Variants in CA12 observed in about 807,000 individuals in gnomAD.
The protein encoded by CA12 is carbonic anhydrase 12.
In CA12, 36 loss-of-function variants were observed where a neutral mutation model predicts 46.8. The ratio of observed to expected loss-of-function variants is 0.77; its 90% CI spans 0.59 to 1.02. The LOEUF (loss-of-function observed/expected upper bound fraction) is 1.02, where lower values mean the gene tolerates loss of function less well. Among genes scored for constraint, CA12 ranks in the 50% least tolerant of loss-of-function variants. The probability of loss-of-function intolerance (pLI) is 0.00; values close to 1 mark genes in which losing one functional copy is unlikely to be tolerated. For missense variants in CA12, 436 were observed against 451.4 expected, an observed-to-expected ratio of 0.97 and a Z score of 0.31; for synonymous variants, 202 against 187.0, an observed-to-expected ratio of 1.08 and a Z score of -0.65.
In CA12 at chr15:63,327,673, C is replaced by T. The variant is rs980487043; in HGVS notation, c.907+425G>A. Among the ~76,000 whole-genome samples the T allele has an allele frequency of 2.0e-5, 3 of 152,098 alleles. No homozygotes were observed. The highest frequency in any genetic ancestry group is 7.2e-5 in the African/African-American group (3 of 41,406). ...CAAATAAGAACTTACTCTGTCTTTG[C>T]CTGCTGGATTTAAGGCCCATTGGCT... On this transcript the variant is annotated intron_variant, in intron 9 of 10. Transcript: ENST00000178638. The surrounding 1 kb of genome is among the most constrained non-coding windows in gnomAD (Gnocchi z 4.5).
intron 1 of CA12, chr15:63,379,102 C>T (rs1418947539): frequency 1.3e-5 from 2 of 151,740 alleles, no homozygotes; most frequent in South Asian, 4.2e-4. Flanking sequence ...ACTGTGAGGT[C>T]GCGGTGGTGA....
rs939286178 is a variant in CA12, at chr15:63,372,256, G to A, written c.106+3402C>T. Among the ~76,000 whole-genome samples, 2 of 152,176 alleles carry A rather than the reference G, an allele frequency of 1.3e-5. No individual in the cohort carries two copies. ...TGCGGGACTGATTTCCGGCGGGGAA[G>A]GTCCATGTCACATCATCCCCAGCCT... is the stretch of plus-strand genomic sequence containing the variant. On this transcript the variant is annotated intron_variant, in intron 2 of 10. Coordinates refer to ENST00000178638, the MANE Select transcript of CA12 (RefSeq NM_001218.5). This position sits in a 1 kb window ranked among gnomAD's most constrained non-coding sequence, Gnocchi z 4.5.
intron 8 of CA12, among the ~76,000 whole-genome samples, chr15:63,334,110 T>C (rs2038968494): frequency 6.6e-6 from 1 of 152,074 alleles, no homozygotes. Context: ...GTCTTTCCCC[T>C]TTCCCACTAA....
At chr15:63,351,504 C>A (rs1432053877) in intron 2 of CA12, among the ~76,000 whole-genome samples, 1 of 152,164 alleles carries the variant, frequency 6.6e-6, no homozygotes, top group Non-Finnish European at 1.5e-5. Flanking sequence ...CCTTGAAGTG[C>A]CCCAACCTGT....
intron 8 of CA12, among the ~76,000 whole-genome samples, chr15:63,335,151 G>A (rs981628387): frequency 6.6e-6 from 1 of 152,180 alleles, no homozygotes. Flanking sequence ...GGGGCAACTG[G>A]CATCTACTGG....
At chr15:63,370,034 G>C (rs1420146897) in intron 2 of CA12, among the ~76,000 whole-genome samples, 1 of 152,100 alleles carries the variant, frequency 6.6e-6, no homozygotes, top group African/African-American at 2.4e-5. Context: ...CATCCAGACA[G>C]ACCCTAGATG....
chr15:63,345,511 T>C lies in CA12; in HGVS notation c.395A>G (p.Glu132Gly), dbSNP rs368355265. Residue 132 changes from glutamate to glycine, a missense_variant, in exon 4 of 11, where the codon GAG (glutamate) becomes GGG (glycine). By Grantham distance (98) the Glu-to-Gly change is moderately conservative. Transcript: ENST00000178638. This position sits in a 1 kb window ranked among gnomAD's most constrained non-coding sequence, Gnocchi z 4.3. ...WGNPNDPHGS[E>G]HTVSGQHFAA... ...GAAGTGCTGTCCGCTGACGGTGTGC[T>C]CAGAGCCGTGCGGGTCATTCGGGTT... 3.1e-6 allele frequency: 5 copies of C among 1,611,582 alleles called. No homozygotes were observed. In the African/African-American group the frequency reaches 6.7e-5, roughly 22 times the overall value.
At chr15:63,357,865 C>G (rs1334790853) in intron 2 of CA12, among the ~76,000 whole-genome samples, 2 of 152,206 alleles carry the variant, frequency 1.3e-5, no homozygotes, top group African/African-American at 4.8e-5. Context: ...CTAATCTGCT[C>G]TCTGCCTCCA....
chr15:63,357,710 T>C (rs2039312178), intron 2 of CA12, among the ~76,000 whole-genome samples: 2 of 152,094 alleles, frequency 1.3e-5, no homozygotes, highest in African/African-American at 4.8e-5. Flanking sequence ...AGCATAAAAC[T>C]ACCATTAGTA....
intron 2 of CA12, among the ~76,000 whole-genome samples, chr15:63,356,907 T>A (rs796789761): frequency 5.9e-5 from 9 of 152,322 alleles, no homozygotes; most frequent in African/African-American, 2.2e-4. Context: ...GCATTATTTA[T>A]ATTAGTCAAA....
At chr15:63,337,535 C>T (rs2039018766) in intron 8 of CA12, among the ~76,000 whole-genome samples, 1 of 152,094 alleles carries the variant, frequency 6.6e-6, no homozygotes, top group Admixed American at 6.5e-5. Flanking sequence ...CGGCTCATTG[C>T]AACCTCTGCC....
rs1226500452 is a variant in CA12, at chr15:63,355,216, A to G, written c.107-8507T>C. On this transcript the variant is annotated intron_variant, in intron 2 of 10. Transcript: ENST00000178638. This position sits in a 1 kb window ranked among gnomAD's most constrained non-coding sequence, Gnocchi z 4.1. The stretch of plus-strand genomic sequence containing the variant: ...TGAGCTGCTTGCATCCTGCAGACAC[A>G]CCAAGCTGCTTCACATCTCCCTGAA... Among the ~76,000 whole-genome samples, 2 of 152,014 alleles carry G rather than the reference A, an allele frequency of 1.3e-5. No individual in the cohort carries two copies. The highest frequency in any genetic ancestry group is 4.8e-5 in the African/African-American group (2 of 41,378).
At chr15:63,371,414 T>G (rs529781378) in intron 2 of CA12, among the ~76,000 whole-genome samples, 1 of 152,038 alleles carries the variant, frequency 6.6e-6, no homozygotes, top group South Asian at 2.1e-4. Flanking sequence ...CCACGAGGGC[T>G]GGCCTGCCGC....
chr15:63,373,031 G>A lies in CA12; in HGVS notation c.106+2627C>T, dbSNP rs528910102. 6.6e-6 allele frequency among the ~76,000 whole-genome samples: 1 copy of A among 152,278 alleles called. No individual in the cohort carries two copies. The highest frequency in any genetic ancestry group is 2.1e-4 in the South Asian group (1 of 4,824). On this transcript the variant is annotated intron_variant, in intron 2 of 10. Transcript: ENST00000178638. This position sits in a 1 kb window ranked among gnomAD's most constrained non-coding sequence, Gnocchi z 4.9. ...TCAGTGTGGCTGCACTGAGAAGCCC[G>A]CCCTTGGCGAACACCACGTCATGAT... is the stretch of plus-strand genomic sequence containing the variant.
chr15:63,342,314 CAT>C (rs2039089013), intron 4 of CA12, among the ~76,000 whole-genome samples: 1 of 152,108 alleles, frequency 6.6e-6, no homozygotes, highest in African/African-American at 2.4e-5. Flanking sequence ...ATTTTAGAGA[CAT>C]AATACATCAA....
rs374359292 is a variant in CA12, at chr15:63,332,845, A to C, written c.875-4715T>G. Among the ~76,000 whole-genome samples, 128 of 152,250 alleles carry C rather than the reference A, an allele frequency of 8.4e-4. 1 individual carries two copies. The South Asian group carries it at 0.024, about 28-fold the overall frequency. ...ATGGGTCAGGGACATTCTTTCAACA[A>C]GCTTATATTGAGCACCAGGCACCAT... On this transcript the variant is annotated intron_variant, in intron 8 of 10. Transcript: ENST00000178638.
intron 1 of CA12, among the ~76,000 whole-genome samples, chr15:63,376,577 T>TCTTTCTTTCTTTCTTC (rs2039577854): frequency 2.6e-5 from 3 of 116,466 alleles, no homozygotes; most frequent in African/African-American, 8.8e-5. Flanking sequence ...TTTCTTTCTT[T>TCTTTCTTTCTTTCTTC]CTTTCTTTCT....
At chr15:63,375,408 C>A (rs914381548) in intron 2 of CA12, 2 of 425,834 alleles carry the variant, frequency 4.7e-6, no homozygotes, top group Admixed American at 8.2e-5. Flanking sequence ...TTGCAGGAAT[C>A]TGAAGCCTGG....
rs916703525 is a variant in CA12, at chr15:63,341,889, G to A, written c.525+113C>T. On this transcript the variant is annotated intron_variant, in intron 5 of 10. Coordinates refer to ENST00000178638, the MANE Select transcript of CA12 (RefSeq NM_001218.5). This position sits in a 1 kb window ranked among gnomAD's most constrained non-coding sequence, Gnocchi z 5.2. ...ATACCCCCTGCTCTGGAGTTGACAC[G>A]GAGTCGATACAGGAACAGCTGATTA... is the stretch of plus-strand genomic sequence containing the variant. 14 of 765,494 alleles carry A rather than the reference G, an allele frequency of 1.8e-5. No homozygotes were observed. The highest frequency in any genetic ancestry group is 2.9e-5 in the South Asian group (2 of 68,318). 47.4% of individuals were successfully genotyped at this position (765,494 alleles called of 1,614,324 possible). A position where few individuals can be genotyped will look rare whatever the true frequency, so the allele number is the denominator to read the frequency against.
Sources: gnomAD v4.1 joint callset for allele counts (sites outside exome capture counted in the v4.1 genomes callset) on GRCh38, gnomAD v4.1.1 for gene constraint, Gnocchi (gnomAD v3.1) non-coding constraint, MANE v1.5 for transcripts, NCBI Gene and HGNC (gene_info 2026-07-23, HGNC 2026-07-21) for gene names.